Variants in ABCC2 observed in about 807,000 individuals in gnomAD.
The protein encoded by ABCC2 is ATP-binding cassette sub-family C member 2.
ABCC2 carries 157 observed loss-of-function variants against 173.4 expected under a neutral mutation model. The ratio of observed to expected loss-of-function variants is 0.91; its 90% CI spans 0.80 to 1.03. The LOEUF (loss-of-function observed/expected upper bound fraction) is 1.03, where lower values mean the gene tolerates loss of function less well. Ranked by LOEUF, ABCC2 falls within the 50% of genes least tolerant of loss-of-function variation. The probability of loss-of-function intolerance (pLI) is 0.00; values close to 1 mark genes in which losing one functional copy is unlikely to be tolerated. For synonymous variants in ABCC2, 657 were observed against 693.5 expected (o/e 0.95, Z 0.83); for missense variants, 1,822 against 1,852.3 (o/e 0.98, Z 0.30).
chr10:99,818,932 G>T lies in ABCC2; in HGVS notation c.2414G>T (p.Gly805Val), dbSNP rs1341546325. Residue 805 changes from glycine to valine, a missense_variant, in exon 18 of 32, where the codon GGC becomes GTC. Transcript: ENST00000647814. Reference sequence around the variant, plus strand: ...AAACATATTTTTAATAAGGTCTTGGGCCCCAATGGCCTGTTGAAAGGCAAG... The same window carrying T: ...AAACATATTTTTAATAAGGTCTTGGTCCCCAATGGCCTGTTGAAAGGCAAG... ...VGKHIFNKVL[G>V]PNGLLKGKTR... 2 of 1,613,716 alleles carry T rather than the reference G, an allele frequency of 1.2e-6. No individual in the cohort carries two copies. The highest frequency in any genetic ancestry group is 1.7e-6 in the Non-Finnish European group (2 of 1,179,930).
In ABCC2 at chr10:99,792,234, G is replaced by A. The variant is rs199700510; in HGVS notation, c.208G>A (p.Val70Ile). The A allele has an allele frequency of 1.7e-5, 27 of 1,613,714 alleles. No individual in the cohort carries two copies. In the South Asian group the frequency reaches 2.0e-4, roughly 12 times the overall value. The change falls in exon 3 of 32, where the codon GTA (valine) becomes ATA (isoleucine). Residue 70 changes from valine (V) to isoleucine (I), a missense_variant and splice_region_variant. Coordinates refer to ENST00000647814, the MANE Select transcript of ABCC2 (RefSeq NM_000392.5). The stretch of plus-strand genomic sequence containing the variant: ...AACAGTGGTCTTTTTCCCTTCTCAG[G>A]TATTCGTTGGTTTTCTTCTTATTCT... Reference protein sequence around the residue: ...STTKLYLAKQVFVGFLLILAA... With the variant: ...STTKLYLAKQIFVGFLLILAA...
intron 2 of ABCC2, among the ~76,000 whole-genome samples, chr10:99,785,292 A>G (rs1002648698): frequency 1.3e-5 from 2 of 152,144 alleles, no homozygotes; most frequent in African/African-American, 4.8e-5. Flanking sequence ...GAGGAGGGGT[A>G]AGTGTGCACA....
chr10:99,800,302 A>G, intron 8 of ABCC2, 84 bp from the exon 9 acceptor site: 1 of 1,396,092 alleles, frequency 7.2e-7, no homozygotes, highest in East Asian at 2.3e-5. Flanking sequence ...GTGTAAAGAT[A>G]GTGTAGTCTA....
At chr10:99,825,063 C>A (rs375178939) in intron 19 of ABCC2, among the ~76,000 whole-genome samples, 21 of 140,824 alleles carry the variant, frequency 1.5e-4, no homozygotes, top group African/African-American at 3.6e-4. Context: ...TTAGCCTCAA[C>A]TGGAACTTTA....
chr10:99,814,276 C>CCTAT lies in ABCC2; in HGVS notation c.2094+1132_2094+1133insCTAT, dbSNP rs1377412314. 4.6e-5 allele frequency among the ~76,000 whole-genome samples: 2 copies of CCTAT among 43,538 alleles called. 1 individual carries two copies. Among genetic ancestry groups the CCTAT allele is most frequent in the African/African-American group, 2.2e-4 (2 of 9,172 alleles). 28.6% of individuals were successfully genotyped at this position (43,538 alleles called of 152,430 possible). On this transcript the variant is annotated intron_variant, in intron 16 of 31. Coordinates refer to ENST00000647814, the MANE Select transcript of ABCC2 (RefSeq NM_000392.5). ...ATGTATACACACGTATGTATACACA[C>CCTAT]GTATGTATACACACACGTATGTATA... is the stretch of plus-strand genomic sequence containing the variant.
chr10:99,786,845 A>G (rs1185549558), intron 2 of ABCC2, among the ~76,000 whole-genome samples: 1 of 152,200 alleles, frequency 6.6e-6, no homozygotes. Context: ...TCTACTAAAA[A>G]TACAAAAATT....
chr10:99,791,728 G>A (rs531287641), intron 2 of ABCC2, among the ~76,000 whole-genome samples: 14 of 152,316 alleles, frequency 9.2e-5, no homozygotes, highest in African/African-American at 2.6e-4. Flanking sequence ...GGCTGTTGGC[G>A]GAAGGTCTCA....
At chr10:99,797,407 G>C in intron 7 of ABCC2, 76 bp downstream of exon 7, 1 of 1,340,376 alleles carries the variant, frequency 7.5e-7, no homozygotes, top group Non-Finnish European at 1.0e-6. Flanking sequence ...TGGCGATTCT[G>C]TCCTTACATT....
Position 99,814,309 on chromosome 10 carries a change from GTATATACACACGTATGTATACACACA to G in ABCC2, c.2094+1167_2094+1192del, listed in dbSNP as rs2038307470. Among the ~76,000 whole-genome samples, 4 of 43,778 alleles carry G rather than the reference GTATATACACACGTATGTATACACACA, an allele frequency of 9.1e-5. 2 individuals are homozygous for G. Among genetic ancestry groups the G allele is most frequent in the African/African-American group, 1.8e-4 (2 of 10,916 alleles). The allele number at this position is 43,778 out of a possible 152,430, so 28.7% of individuals were successfully genotyped here. On this transcript the variant is annotated intron_variant, in intron 16 of 31. Transcript: ENST00000647814. Reference sequence around the variant, plus strand: ...TACACACACGTATGTATACACACATGTATATACACACGTATGTATACACACATGTATATATACACACGTATGTATAC... The same window carrying G: ...TACACACACGTATGTATACACACATGTGTATATATACACACGTATGTATAC...
chr10:99,783,465 T>A (rs1000856889), intron 1 of ABCC2, among the ~76,000 whole-genome samples: 1 of 151,932 alleles, frequency 6.6e-6, no homozygotes, highest in Admixed American at 6.6e-5. Context: ...TAGCAAAAAA[T>A]TTCAAGATAG....
chr10:99,848,249 ACT>A (rs2039045835), intron 30 of ABCC2, among the ~76,000 whole-genome samples: 1 of 151,870 alleles, frequency 6.6e-6, no homozygotes. Context: ...TCAACAAAAG[ACT>A]CTCTTGGCTT....
rs755457692 is a variant in ABCC2, at chr10:99,804,200, T to C, written c.1391T>C (p.Leu464Ser). The stretch of plus-strand genomic sequence containing the variant: ...TGGAGAGAGTTGGGACCCTCAGTCT[T>C]AGCAGGTGTTGGGGTGATGGTGCTT... ...FLWRELGPSV[L>S]AGVGVMVLVI... The change falls in exon 10 of 32, where the codon TTA becomes TCA. Residue 464 changes from leucine to serine, a missense_variant. Coordinates refer to ENST00000647814, the MANE Select transcript of ABCC2 (RefSeq NM_000392.5). The C allele has an allele frequency of 3.7e-6, 6 of 1,614,144 alleles. No homozygotes were observed. The highest frequency in any genetic ancestry group is 5.1e-6 in the Non-Finnish European group (6 of 1,180,008).
chr10:99,816,643 C>A (rs1373136540), intron 16 of ABCC2, among the ~76,000 whole-genome samples: 1 of 152,128 alleles, frequency 6.6e-6, no homozygotes, highest in East Asian at 1.9e-4. Flanking sequence ...GTCCCCAACC[C>A]CGTGGGCCTC....
chr10:99,839,287 C>A (rs1590188662), intron 25 of ABCC2, among the ~76,000 whole-genome samples: 1 of 111,410 alleles, frequency 9.0e-6, no homozygotes, highest in Non-Finnish European at 2.0e-5. Flanking sequence ...GGCAGAGGGG[C>A]TCCTCACTTC....
intron 24 of ABCC2, 80 bp downstream of exon 24, chr10:99,834,615 C>G: frequency 1.3e-6 from 2 of 1,512,502 alleles, no homozygotes; most frequent in Non-Finnish European, 1.8e-6. Context: ...AATCTTCTCT[C>G]TGATTCATTG....
intron 27 of ABCC2, 83 bp from the exon 28 acceptor site, chr10:99,844,238 TG>T: frequency 6.4e-7 from 1 of 1,550,426 alleles, no homozygotes; most frequent in Non-Finnish European, 8.9e-7. Flanking sequence ...ACCCTTCTCC[TG>T]TTCTATGACA....
chr10:99,840,973 C>T (rs2038933555), intron 25 of ABCC2, among the ~76,000 whole-genome samples: 1 of 152,050 alleles, frequency 6.6e-6, no homozygotes, highest in Non-Finnish European at 1.5e-5. Flanking sequence ...AACCAGAGCC[C>T]TCCAGACCCC....
intron 25 of ABCC2, among the ~76,000 whole-genome samples, chr10:99,840,396 G>A (rs1311537791): frequency 4.8e-5 from 7 of 145,654 alleles, no homozygotes; most frequent in African/African-American, 1.7e-4. Context: ...CGGCCACCAT[G>A]GCCGGACGGG....
chr10:99,783,072 T>C (rs1001556402), intron 1 of ABCC2, among the ~76,000 whole-genome samples, 195 bp downstream of exon 1: 1 of 152,210 alleles, frequency 6.6e-6, no homozygotes, highest in African/African-American at 2.4e-5. Context: ...TGCAAATTAT[T>C]CTCTGTCATA....
Sources: gnomAD v4.1 joint callset for allele counts (sites outside exome capture counted in the v4.1 genomes callset) on GRCh38, gnomAD v4.1.1 for gene constraint, MANE v1.5 for transcripts, NCBI Gene and HGNC (gene_info 2026-07-23, HGNC 2026-07-21) for gene names.